PKHD1L1: variants seen among roughly 807,000 people sequenced by gnomAD.
PKHD1L1 encodes fibrocystin-L.
A neutral mutation model predicts 462.9 loss-of-function variants in PKHD1L1; 434 were observed. The ratio of observed to expected loss-of-function variants is 0.94; its 90% CI spans 0.87 to 1.02. The LOEUF is 1.02. Among genes scored for constraint, PKHD1L1 ranks in the 50% least tolerant of loss-of-function variants. The probability of loss-of-function intolerance (pLI) is 0.00; values close to 1 mark genes in which losing one functional copy is unlikely to be tolerated. For synonymous variants in PKHD1L1, 1,781 were observed against 1,750.0 expected, an observed-to-expected ratio of 1.02 and a Z score of -0.44; for missense variants, 5,202 against 5,096.1, an observed-to-expected ratio of 1.02 and a Z score of -0.63.
chr8:109,513,126 A>G (rs895241174), intron 71 of PKHD1L1, among the ~76,000 whole-genome samples: 3 of 151,214 alleles, frequency 2.0e-5, no homozygotes, highest in African/African-American at 7.3e-5. Context: ...TAGATATACA[A>G]TCATGTCATC....
At chr8:109,386,680 A>G (rs1812459080) in intron 6 of PKHD1L1, among the ~76,000 whole-genome samples, 1 of 152,180 alleles carries the variant, frequency 6.6e-6, no homozygotes, top group Admixed American at 6.6e-5. Context: ...AACATTTTAT[A>G]TGTACAGATT....
intron 23 of PKHD1L1, 55 bp downstream of exon 23, chr8:109,420,745 T>G: frequency 7.6e-7 from 1 of 1,312,866 alleles, no homozygotes; most frequent in East Asian, 2.6e-5. Flanking sequence ...TTTTAATTTT[T>G]TTAAATAACC....
intron 14 of PKHD1L1, 90 bp downstream of exon 14, chr8:109,401,678 T>G: frequency 3.2e-6 from 2 of 618,116 alleles, no homozygotes; most frequent in Non-Finnish European, 5.3e-6. Context: ...TTTTTATTGG[T>G]GGAAGTGATA....
chr8:109,466,552 A>T (rs187813326), intron 49 of PKHD1L1, 26 bp from the exon 50 acceptor site: 2 of 1,538,754 alleles, frequency 1.3e-6, no homozygotes, highest in Non-Finnish European at 1.8e-6. Context: ...GAAATAAAAA[A>T]CATATTTTGT....
intron 28 of PKHD1L1, 121 bp from the exon 29 acceptor site, chr8:109,435,069 C>T: frequency 1.0e-6 from 1 of 998,082 alleles, no homozygotes; most frequent in Admixed American, 2.6e-5. Context: ...GATTGGTTTT[C>T]TTTGGATATA....
At chr8:109,521,937 G>T (rs150846843) in intron 73 of PKHD1L1, among the ~76,000 whole-genome samples, 2 of 152,158 alleles carry the variant, frequency 1.3e-5, no homozygotes, top group East Asian at 3.9e-4. Flanking sequence ...GTTTTCATTC[G>T]TTTTTCTTGT....
At chr8:109,454,286 T>C (rs775470890) in intron 44 of PKHD1L1, 40 bp downstream of exon 44, 2 of 1,385,246 alleles carry the variant, frequency 1.4e-6, no homozygotes, top group Non-Finnish European at 2.0e-6. Flanking sequence ...TTCCAACCTG[T>C]CTCCATTCAT....
intron 73 of PKHD1L1, among the ~76,000 whole-genome samples, chr8:109,520,793 G>C (rs1820512116): frequency 6.6e-6 from 1 of 152,100 alleles, no homozygotes; most frequent in Non-Finnish European, 1.5e-5. Context: ...CCTACAGCCA[G>C]GAATAAGAGG....
At position 109,536,041 on chromosome 8, in the gene PKHD1L1, CCT is replaced by C. The variant is rs1461638776; in HGVS notation, c.*5952_*5953del. Reference sequence around the variant, plus strand: ...GAGGGTTGACTTCTGGCTGTCCCTCCCTGTTTCCCTTTGTTAATATATTGCTA... The same window carrying C: ...GAGGGTTGACTTCTGGCTGTCCCTCCGTTTCCCTTTGTTAATATATTGCTA... On this transcript the variant is annotated 3_prime_UTR_variant, in exon 78 of 78. Transcript: ENST00000378402. Among the ~76,000 whole-genome samples, 4 of 152,010 alleles carry C rather than the reference CCT, an allele frequency of 2.6e-5. No homozygotes were observed. Among genetic ancestry groups the C allele is most frequent in the African/African-American group, 9.7e-5 (4 of 41,376 alleles).
At chr8:109,428,776 ATACATCAGAAG>A (rs1814918849) in intron 25 of PKHD1L1, among the ~76,000 whole-genome samples, 2 of 152,202 alleles carry the variant, frequency 1.3e-5, no homozygotes, top group Admixed American at 1.3e-4. Context: ...TAGTCCCTGA[ATACATCAGAAG>A]GTTGCCATAT....
In PKHD1L1 at chr8:109,534,723, G is replaced by T. The variant is rs1391931180; in HGVS notation, c.*4633G>T. Among the ~76,000 whole-genome samples, 7 of 152,138 alleles carry T rather than the reference G, an allele frequency of 4.6e-5. No homozygotes were observed. The highest frequency in any genetic ancestry group is 2.6e-4 in the Admixed American group (4 of 15,274). On this transcript the variant is annotated 3_prime_UTR_variant, in exon 78 of 78. Transcript: ENST00000378402. ...ACCAAATAGGAAAAGTCTGCCACAG[G>T]GGACACAGTAGGTACTTGAATACTT...
rs113505996 is a variant in PKHD1L1 at position 109,489,354 on chromosome 8, T to C, written c.9881-598T>C. Among the ~76,000 whole-genome samples, 723 of 152,098 alleles carry C rather than the reference T, an allele frequency of 4.8e-3. 5 individuals carry two copies. Among genetic ancestry groups the C allele is most frequent in the African/African-American group, 0.017 (688 of 41,534 alleles). On this transcript the variant is annotated intron_variant, in intron 59 of 77. Transcript: ENST00000378402. ...GAATTAAACCCCATATTGCCTGTTATGCATTTAGTACAGCACTTGACAAAG... is the reference window on the plus strand; with the variant it reads ...GAATTAAACCCCATATTGCCTGTTACGCATTTAGTACAGCACTTGACAAAG...
intron 42 of PKHD1L1, 85 bp downstream of exon 42, chr8:109,452,365 T>C (rs1163828368): frequency 8.1e-7 from 1 of 1,235,620 alleles, no homozygotes; most frequent in African/African-American, 1.5e-5. Context: ...GTTGTTTTAC[T>C]TTAATGTCTC....
rs189870570 is a variant in PKHD1L1, at chr8:109,363,350, C to T, written c.73+697C>T. 1.4e-4 allele frequency among the ~76,000 whole-genome samples: 22 copies of T among 152,214 alleles called. No individual in the cohort carries two copies. The East Asian group carries it at 4.2e-3, about 29-fold the overall frequency. On this transcript the variant is annotated intron_variant, in intron 1 of 77. Transcript: ENST00000378402. ...TTGGAGCTCTTGGCAAAGACAGACC[C>T]GAGGTACAGAGGCACTGGGTCTGGG...
At chr8:109,479,912 C>T in intron 54 of PKHD1L1, 79 bp from the exon 55 acceptor site, 3 of 1,320,046 alleles carry the variant, frequency 2.3e-6, no homozygotes, top group Non-Finnish European at 3.0e-6. Context: ...AACTAGGACT[C>T]ACTGATAAGC....
At position 109,493,721 on chromosome 8, in the gene PKHD1L1, G is replaced by A. The variant is rs767167316; in HGVS notation, c.10297G>A (p.Gly3433Arg). The A allele has an allele frequency of 6.2e-7, 1 of 1,609,562 alleles. No individual in the cohort carries two copies. Residue 3433 changes from glycine (G) to arginine (R), a missense_variant, in exon 63 of 78, where the codon GGA (glycine) becomes AGA (arginine). By Grantham distance (125) the Gly-to-Arg change is moderately radical. Coordinates refer to ENST00000378402, the MANE Select transcript of PKHD1L1 (RefSeq NM_177531.6). ...TGTAGTGGCTGGATTTGGAAGAGCA[G>A]GATACCGCATTGATGGTGAACCTTG... ...NNVVAGFGRA[G>R]YRIDGEPCPG...
At chr8:109,366,032 C>G (rs770122163) in intron 2 of PKHD1L1, among the ~76,000 whole-genome samples, 43 of 152,152 alleles carry the variant, frequency 2.8e-4, no homozygotes, top group Non-Finnish European at 5.4e-4. Context: ...CAGACCTGAA[C>G]ATTTTCTGAT....
At chr8:109,529,834 C>A (rs754614671) in intron 77 of PKHD1L1, among the ~76,000 whole-genome samples, 2 of 151,682 alleles carry the variant, frequency 1.3e-5, no homozygotes, top group Non-Finnish European at 2.9e-5. Flanking sequence ...AAATAAAAGA[C>A]CTTATATTTT....
rs761210805 is a variant in PKHD1L1 at position 109,477,272 on chromosome 8, C to A, written c.8965C>A (p.Leu2989Met). 5.0e-6 allele frequency: 8 copies of A among 1,613,362 alleles called. No individual in the cohort carries two copies. Among genetic ancestry groups the A allele is most frequent in the Non-Finnish European group, 8.5e-7 (1 of 1,179,652 alleles). ...TCAGAGTCAGCTCATTTCTGGGAACCTGGATCCTGATGTGAAAGACGTTGT... is the reference window on the plus strand; with the variant it reads ...TCAGAGTCAGCTCATTTCTGGGAACATGGATCCTGATGTGAAAGACGTTGT... ...LHQSQLISGN[L>M]DPDVKDVVIN... Residue 2989 changes from leucine (L) to methionine (M), a missense_variant, in exon 53 of 78, where the codon CTG (leucine) becomes ATG (methionine). Coordinates refer to ENST00000378402, the MANE Select transcript of PKHD1L1 (RefSeq NM_177531.6).
Sources: gnomAD v4.1 joint callset for allele counts (sites outside exome capture counted in the v4.1 genomes callset) on GRCh38, gnomAD v4.1.1 for gene constraint, MANE v1.5 for transcripts, NCBI Gene and HGNC (gene_info 2026-07-23, HGNC 2026-07-21) for gene names.